Variants in TENM4 observed in about 807,000 individuals in gnomAD.
The protein encoded by TENM4 is teneurin-4.
A neutral mutation model predicts 243.3 loss-of-function variants in TENM4; 82 were observed. The observed-to-expected ratio is 0.34, with a 90% CI of 0.28 to 0.40. The LOEUF (loss-of-function observed/expected upper bound fraction) is 0.40. Among genes scored for constraint, TENM4 ranks in the 10% least tolerant of loss-of-function variants. The pLI, the probability that TENM4 is intolerant of heterozygous loss-of-function variation, is 1.00. For synonymous variants in TENM4, 1,412 were observed against 1,456.3 expected (o/e 0.97, Z 0.69); for missense variants, 3,138 against 3,673.3 (o/e 0.85, Z 3.77).
intron 20 of TENM4, among the ~76,000 whole-genome samples, chr11:78,735,026 G>C (rs1007487291): frequency 2.6e-5 from 4 of 152,164 alleles, no homozygotes; most frequent in African/African-American, 9.7e-5. Flanking sequence ...CACCATGTGG[G>C]AATGGGCCCA....
intron 1 of TENM4, among the ~76,000 whole-genome samples, chr11:79,423,390 G>C (rs953568278): frequency 6.6e-6 from 1 of 151,714 alleles, no homozygotes; most frequent in Non-Finnish European, 1.5e-5. Context: ...GGCTAAAACT[G>C]AGTTGGTCTG....
chr11:78,756,589 A>G (rs1856310642), intron 19 of TENM4: 1 of 549,362 alleles, frequency 1.8e-6, no homozygotes. Context: ...GGGAGCAACA[A>G]AACTTTGCTC....
chr11:78,792,093 G>C (rs1857068253), intron 15 of TENM4, among the ~76,000 whole-genome samples: 3 of 152,196 alleles, frequency 2.0e-5, no homozygotes, highest in African/African-American at 4.8e-5. Flanking sequence ...GATGAGTGGT[G>C]ACAACTGAAG....
intron 17 of TENM4, among the ~76,000 whole-genome samples, chr11:78,772,605 T>G (rs1365089459): frequency 6.6e-6 from 1 of 151,270 alleles, no homozygotes; most frequent in African/African-American, 2.5e-5. Flanking sequence ...AAAGTGGCTG[T>G]CCAGTACAAG....
chr11:79,129,495 C>T (rs1028074346), intron 4 of TENM4, among the ~76,000 whole-genome samples: 10 of 152,210 alleles, frequency 6.6e-5, no homozygotes, highest in Admixed American at 3.9e-4. Context: ...AAGCCCAGCT[C>T]GCCCACCACC....
intron 8 of TENM4, 114 bp downstream of exon 8, chr11:78,891,124 G>T: frequency 1.1e-6 from 1 of 901,570 alleles, no homozygotes; most frequent in Non-Finnish European, 1.7e-6. Flanking sequence ...TGATGAGCAT[G>T]CCACATGGAT....
chr11:79,386,327 A>G (rs1285287230), intron 1 of TENM4, among the ~76,000 whole-genome samples: 19 of 152,256 alleles, frequency 1.2e-4, no homozygotes, highest in Non-Finnish European at 2.9e-5. Context: ...AAGAAAATGT[A>G]GAATGTCTTC....
At chr11:79,303,232 T>G (rs1399592282) in intron 1 of TENM4, among the ~76,000 whole-genome samples, 3 of 152,244 alleles carry the variant, frequency 2.0e-5, no homozygotes, top group Non-Finnish European at 4.4e-5. Context: ...TGAGGTCCAC[T>G]AGGTCTTTGT....
rs576997328 is a variant in TENM4, at chr11:79,156,607, G to T, written c.-162-7801C>A. Among the ~76,000 whole-genome samples, 19 of 152,204 alleles carry T rather than the reference G, an allele frequency of 1.2e-4. No homozygotes were observed. The South Asian group carries it at 3.5e-3, about 28-fold the overall frequency. ...CTCCTGAAAGCCTTCCTCACCCTCTGTCTAGATCAGAGGTCCATCCTGAGC... is the reference window on the plus strand; with the variant it reads ...CTCCTGAAAGCCTTCCTCACCCTCTTTCTAGATCAGAGGTCCATCCTGAGC... On this transcript the variant is annotated intron_variant, in intron 3 of 33. Transcript: ENST00000278550.
chr11:79,013,103 T>A (rs1323602081), intron 6 of TENM4, among the ~76,000 whole-genome samples: 2 of 152,226 alleles, frequency 1.3e-5, no homozygotes, highest in African/African-American at 2.4e-5. Flanking sequence ...TATCCTAATA[T>A]ACTCAATGTG....
chr11:78,881,209 G>A (rs1318167588), intron 9 of TENM4, among the ~76,000 whole-genome samples: 3 of 152,124 alleles, frequency 2.0e-5, no homozygotes, highest in Non-Finnish European at 4.4e-5. Context: ...GCATGGCTAG[G>A]GAAAGGAATT....
intron 4 of TENM4, among the ~76,000 whole-genome samples, chr11:79,082,599 A>G (rs529957876): frequency 1.3e-5 from 2 of 152,302 alleles, no homozygotes; most frequent in Admixed American, 6.5e-5. Context: ...ATGTGTGCAC[A>G]CACACACACA....
chr11:79,249,075 C>A (rs1855567868), intron 2 of TENM4, among the ~76,000 whole-genome samples: 1 of 152,222 alleles, frequency 6.6e-6, no homozygotes, highest in Non-Finnish European at 1.5e-5. Flanking sequence ...ATTGACACAA[C>A]CCTAGTAGCA....
intron 32 of TENM4, among the ~76,000 whole-genome samples, chr11:78,666,168 C>A (rs4944212): frequency 0.57 from 86,290 of 152,008 alleles, 26,519 homozygotes; most frequent in Non-Finnish European, 0.71. Flanking sequence ...CGTGATTGCA[C>A]ATCTTTTTAA....
intron 20 of TENM4, among the ~76,000 whole-genome samples, chr11:78,735,239 C>T (rs1855760168): frequency 6.6e-6 from 1 of 152,186 alleles, no homozygotes; most frequent in Non-Finnish European, 1.5e-5. Context: ...TGAGTACCAC[C>T]ATCATTCAAT....
intron 6 of TENM4, among the ~76,000 whole-genome samples, chr11:78,920,235 CCT>C (rs1856420047): frequency 6.6e-6 from 1 of 152,136 alleles, no homozygotes; most frequent in Admixed American, 6.5e-5. Context: ...TCCTGGAGCA[CCT>C]CTCATATGCC....
intron 1 of TENM4, among the ~76,000 whole-genome samples, chr11:79,418,477 G>A (rs1565338398): frequency 1.3e-5 from 2 of 152,178 alleles, no homozygotes; most frequent in Admixed American, 6.5e-5. Context: ...TTACAAGCTG[G>A]CTCTAAACGC....
chr11:78,996,924 G>C (rs771959979), intron 6 of TENM4, among the ~76,000 whole-genome samples: 1 of 152,182 alleles, frequency 6.6e-6, no homozygotes, highest in African/African-American at 2.4e-5. Context: ...TATTAACAAG[G>C]GGTGCGATGT....
chr11:79,279,591 T>C (rs1225131114), intron 2 of TENM4, among the ~76,000 whole-genome samples: 1 of 152,048 alleles, frequency 6.6e-6, no homozygotes, highest in African/African-American at 2.4e-5. Context: ...CCTTCCAGGG[T>C]CAGAACCTGT....
Sources: gnomAD v4.1 joint callset for allele counts (sites outside exome capture counted in the v4.1 genomes callset) on GRCh38, gnomAD v4.1.1 for gene constraint, MANE v1.5 for transcripts, NCBI Gene and HGNC (gene_info 2026-07-23, HGNC 2026-07-21) for gene names.